Variants in GJB3 observed in about 807,000 individuals in gnomAD.
GJB3 encodes the protein gap junction beta-3 protein.
In GJB3, 6 loss-of-function variants were observed where a neutral mutation model predicts 8.1. The ratio of observed to expected loss-of-function variants is 0.75; its 90% CI spans 0.41 to 1.47. The LOEUF (loss-of-function observed/expected upper bound fraction) is 1.47. Among genes scored for constraint, GJB3 ranks in the 40% most tolerant of loss-of-function variants. The pLI is 0.02. For synonymous variants in GJB3, 137 were observed against 156.4 expected (o/e 0.88, Z 0.93); for missense variants, 348 against 365.6 (o/e 0.95, Z 0.39).
intron 1 of GJB3, among the ~76,000 whole-genome samples, chr1:34,783,054 G>C (rs919786020): frequency 6.6e-6 from 1 of 152,162 alleles, no homozygotes; most frequent in African/African-American, 2.4e-5. Flanking sequence ...TTTAATTTCA[G>C]ATAGTGACTA....
chr1:34,782,330 T>G (rs1640024070), intron 1 of GJB3: 1 of 152,104 alleles, frequency 6.6e-6, no homozygotes, highest in Non-Finnish European at 1.5e-5. Flanking sequence ...TGCACCCTGG[T>G]GGGCAGCCAT....
At chr1:34,782,166 G>A (rs754834529) in intron 1 of GJB3, 14 of 152,654 alleles carry the variant, frequency 9.2e-5, no homozygotes, top group Non-Finnish European at 1.9e-4. Flanking sequence ...AGCTGGCTTT[G>A]GAGGGCAGCT....
At chr1:34,783,540 T>C (rs1640048793) in intron 1 of GJB3, among the ~76,000 whole-genome samples, 1 of 152,160 alleles carries the variant, frequency 6.6e-6, no homozygotes, top group African/African-American at 2.4e-5. Flanking sequence ...CATGAACTGA[T>C]TTAATGGACT....
Position 34,785,123 on chromosome 1 carries a change from G to C in GJB3, c.361G>C (p.Gly121Arg). ...GTGCGCCAAGCTGTACGACAACGCA[G>C]GCAAGAAGCACGGAGGCCTGTGGTG... is the stretch of plus-strand genomic sequence containing the variant. ...DQCAKLYDNA[G>R]KKHGGLWWTY... Residue 121 changes from glycine (G) to arginine (R), a missense_variant, in exon 2 of 2, where the codon GGC (glycine) becomes CGC (arginine). By Grantham distance (125) the Gly-to-Arg change is moderately radical. Coordinates refer to ENST00000373366, the MANE Select transcript of GJB3 (RefSeq NM_024009.3). This position sits in a 1 kb window ranked among gnomAD's most constrained non-coding sequence, Gnocchi z 4.7. 1 of 1,614,140 alleles carries C rather than the reference G, an allele frequency of 6.2e-7. No homozygotes were observed. The highest frequency in any genetic ancestry group is 8.5e-7 in the Non-Finnish European group (1 of 1,180,038).
chr1:34,784,222 G>A (rs1307933089), intron 1 of GJB3, among the ~76,000 whole-genome samples: 2 of 152,186 alleles, frequency 1.3e-5, no homozygotes, highest in South Asian at 4.1e-4. Context: ...CACAGGCTCT[G>A]GTACCCAACA....
rs1379045949 is a variant in GJB3, at chr1:34,781,373, A to C, written c.-431A>C. The C allele has an allele frequency of 6.6e-6, 1 of 152,132 alleles. No homozygotes were observed. The highest frequency in any genetic ancestry group is 1.5e-5 in the Non-Finnish European group (1 of 68,026). 9.4% of individuals were successfully genotyped at this position (152,132 alleles called of 1,614,324 possible). A position where few individuals can be genotyped will look rare whatever the true frequency, so the allele number is the denominator to read the frequency against. On this transcript the variant is annotated 5_prime_UTR_variant, in exon 1 of 2. Transcript: ENST00000373366. The surrounding 1 kb of genome is among the most constrained non-coding windows in gnomAD (Gnocchi z 6.2). Reference sequence around the variant, plus strand: ...GGTCAAGGTCCCGCGCCAAGCGGGGACCGGGCTGGGCCGGAAGCGGGCACG... The same window carrying C: ...GGTCAAGGTCCCGCGCCAAGCGGGGCCCGGGCTGGGCCGGAAGCGGGCACG...
Position 34,784,889 on chromosome 1 carries a change from G to T in GJB3, c.127G>T (p.Val43Leu). The T allele has an allele frequency of 2.5e-6, 4 of 1,614,166 alleles. No individual in the cohort carries two copies. Among genetic ancestry groups the T allele is most frequent in the African/African-American group, 1.3e-5 (1 of 75,038 alleles). The change falls in exon 2 of 2, where the codon GTG (valine) becomes TTG (leucine). Residue 43 changes from valine to leucine, a missense_variant. Val to Leu is a conservative substitution (Grantham distance 32). Coordinates refer to ENST00000373366, the MANE Select transcript of GJB3 (RefSeq NM_024009.3). ...VLVYVVAAER[V>L]WGDEQKDFDC... ...GGTATACGTGGTGGCTGCAGAGCGC[G>T]TGTGGGGGGATGAGCAGAAGGACTT...
Position 34,785,869 on chromosome 1 carries a change from G to A in GJB3, c.*294G>A, listed in dbSNP as rs1287473861. On this transcript the variant is annotated 3_prime_UTR_variant, in exon 2 of 2. Coordinates refer to ENST00000373366, the MANE Select transcript of GJB3 (RefSeq NM_024009.3). The surrounding 1 kb of genome is among the most constrained non-coding windows in gnomAD (Gnocchi z 4.7). Reference sequence around the variant, plus strand: ...GGCACTGCTAGCAGGGCTTCAACCAGGAAGGGATCAACCCAGGAAGGGATG... The same window carrying A: ...GGCACTGCTAGCAGGGCTTCAACCAAGAAGGGATCAACCCAGGAAGGGATG... 1.3e-5 allele frequency: 6 copies of A among 477,700 alleles called. No homozygotes were observed. The highest frequency in any genetic ancestry group is 2.4e-5 in the Non-Finnish European group (6 of 253,430). The allele number at this position is 477,700 out of a possible 1,614,324, so 29.6% of individuals were successfully genotyped here. A position where few individuals can be genotyped will look rare whatever the true frequency, so the allele number is the denominator to read the frequency against.
chr1:34,784,640 T>C (rs753505534), intron 1 of GJB3, 98 bp from the exon 2 acceptor site: 7 of 816,704 alleles, frequency 8.6e-6, no homozygotes, highest in Non-Finnish European at 1.4e-5. Context: ...TTGTGAGTAT[T>C]GAACAAGTCA....
Position 34,785,052 on chromosome 1 carries a change from A to C in GJB3, c.290A>C (p.Tyr97Ser), listed in dbSNP as rs1475201465. The change falls in exon 2 of 2, where the codon TAC becomes TCC. Residue 97 changes from tyrosine (Y) to serine (S), a missense_variant. Physicochemically the swap from Tyr to Ser is moderately radical, Grantham distance 144. Coordinates refer to ENST00000373366, the MANE Select transcript of GJB3 (RefSeq NM_024009.3). The surrounding 1 kb of genome is among the most constrained non-coding windows in gnomAD (Gnocchi z 4.7). ...PSLLVILHVA[Y>S]REERERRHRQ... Reference sequence around the variant, plus strand: ...CTGCTGGTCATCCTGCACGTGGCCTACCGTGAGGAGCGGGAGCGCCGGCAC... The same window carrying C: ...CTGCTGGTCATCCTGCACGTGGCCTCCCGTGAGGAGCGGGAGCGCCGGCAC... The C allele has an allele frequency of 6.2e-7, 1 of 1,614,060 alleles. No homozygotes were observed. Among genetic ancestry groups the C allele is most frequent in the Non-Finnish European group, 8.5e-7 (1 of 1,180,006 alleles).
In GJB3 at chr1:34,785,541, T is replaced by G. The variant is rs1640099548; in HGVS notation, c.779T>G (p.Leu260Arg). The change falls in exon 2 of 2, where the codon CTG becomes CGG. Residue 260 changes from leucine to arginine, a missense_variant. Transcript: ENST00000373366. The surrounding 1 kb of genome is among the most constrained non-coding windows in gnomAD (Gnocchi z 4.7). Reference sequence around the variant, plus strand: ...GATCCAGACCCAGGCAATAACAAGCTGCAGGCTTCAGCACCCAACCTGACC... The same window carrying G: ...GATCCAGACCCAGGCAATAACAAGCGGCAGGCTTCAGCACCCAACCTGACC... Reference protein sequence around the residue: ...EVDPDPGNNKLQASAPNLTPI With the variant: ...EVDPDPGNNKRQASAPNLTPI The G allele has an allele frequency of 6.2e-7, 1 of 1,613,958 alleles. No individual in the cohort carries two copies. Among genetic ancestry groups the G allele is most frequent in the Non-Finnish European group, 8.5e-7 (1 of 1,180,028 alleles).
At position 34,785,069 on chromosome 1, in the gene GJB3, C is replaced by A; in HGVS notation, c.307C>A (p.Arg103Ser). Residue 103 changes from arginine (R) to serine (S), a missense_variant, in exon 2 of 2, where the codon CGC becomes AGC. Transcript: ENST00000373366. This position sits in a 1 kb window ranked among gnomAD's most constrained non-coding sequence, Gnocchi z 4.7. ...CGTGGCCTACCGTGAGGAGCGGGAG[C>A]GCCGGCACCGCCAGAAACACGGGGA... ...LHVAYREERE[R>S]RHRQKHGDQC... 6.2e-7 allele frequency: 1 copy of A among 1,614,070 alleles called. No homozygotes were observed. The highest frequency in any genetic ancestry group is 8.5e-7 in the Non-Finnish European group (1 of 1,180,030).
In GJB3 at chr1:34,785,898, A is replaced by G; in HGVS notation, c.*323A>G. ...GGGATCAACCCAGGAAGGGATGATC[A>G]GGAGAGGCTTCCCTGAGGACATAAT... On this transcript the variant is annotated 3_prime_UTR_variant, in exon 2 of 2. Coordinates refer to ENST00000373366, the MANE Select transcript of GJB3 (RefSeq NM_024009.3). This position sits in a 1 kb window ranked among gnomAD's most constrained non-coding sequence, Gnocchi z 4.7. The G allele has an allele frequency of 2.4e-6, 1 of 413,684 alleles. No homozygotes were observed. The highest frequency in any genetic ancestry group is 4.6e-6 in the Non-Finnish European group (1 of 215,820). 25.6% of individuals were successfully genotyped at this position (413,684 alleles called of 1,614,324 possible). A position where few individuals can be genotyped will look rare whatever the true frequency, so the allele number is the denominator to read the frequency against.
Position 34,784,752 on chromosome 1 carries a change from C to T in GJB3, c.-11C>T, listed in dbSNP as rs771415387. On this transcript the variant is annotated 5_prime_UTR_variant, in exon 2 of 2. Transcript: ENST00000373366. Reference sequence around the variant, plus strand: ...AATTCTCTCAGGTAGGCACGGCCCCCACCAGGCGCCATGGACTGGAAGACA... The same window carrying T: ...AATTCTCTCAGGTAGGCACGGCCCCTACCAGGCGCCATGGACTGGAAGACA... 2 of 1,608,952 alleles carry T rather than the reference C, an allele frequency of 1.2e-6. No individual in the cohort carries two copies. Among genetic ancestry groups the T allele is most frequent in the South Asian group, 1.1e-5 (1 of 90,920 alleles).
rs1189885075 is a variant in GJB3, at chr1:34,785,050, C to A, written c.288C>A (p.Ala96=). 6.2e-7 allele frequency: 1 copy of A among 1,614,174 alleles called. No homozygotes were observed. The stretch of plus-strand genomic sequence containing the variant: ...CGCTGCTGGTCATCCTGCACGTGGC[C>A]TACCGTGAGGAGCGGGAGCGCCGGC... ...CPSLLVILHV[A]YREERERRHR... The change falls in exon 2 of 2, where the codon GCC becomes GCA. Residue 96 remains alanine (A), a synonymous_variant. Transcript: ENST00000373366. This position sits in a 1 kb window ranked among gnomAD's most constrained non-coding sequence, Gnocchi z 4.7.
intron 1 of GJB3, among the ~76,000 whole-genome samples, 182 bp from the exon 2 acceptor site, chr1:34,784,556 T>A (rs1202802528): frequency 6.6e-6 from 1 of 152,200 alleles, no homozygotes; most frequent in Non-Finnish European, 1.5e-5. Flanking sequence ...TTTGGTTAAG[T>A]TATATAACCT....
chr1:34,785,063 C>T lies in GJB3; in HGVS notation c.301C>T (p.Arg101Trp), dbSNP rs761766847. The T allele has an allele frequency of 6.8e-6, 11 of 1,614,088 alleles. No individual in the cohort carries two copies. Among genetic ancestry groups the T allele is most frequent in the Admixed American group, 6.7e-5 (4 of 60,030 alleles). ...CCTGCACGTGGCCTACCGTGAGGAG[C>T]GGGAGCGCCGGCACCGCCAGAAACA... ...VILHVAYREE[R>W]ERRHRQKHGD... Residue 101 changes from arginine (R) to tryptophan (W), a missense_variant, in exon 2 of 2, where the codon CGG becomes TGG. By Grantham distance (101) the Arg-to-Trp change is moderately radical. Coordinates refer to ENST00000373366, the MANE Select transcript of GJB3 (RefSeq NM_024009.3). The surrounding 1 kb of genome is among the most constrained non-coding windows in gnomAD (Gnocchi z 4.7).
chr1:34,783,043 C>A (rs1056976450), intron 1 of GJB3, among the ~76,000 whole-genome samples: 4 of 152,122 alleles, frequency 2.6e-5, no homozygotes, highest in Non-Finnish European at 5.9e-5. Flanking sequence ...AGGACAAATT[C>A]TTTAATTTCA....
At position 34,786,325 on chromosome 1, in the gene GJB3, A is replaced by G. The variant is rs1011840744; in HGVS notation, c.*750A>G. The G allele has an allele frequency of 6.0e-6, 1 of 167,254 alleles. No homozygotes were observed. The highest frequency in any genetic ancestry group is 1.5e-5 in the Non-Finnish European group (1 of 68,222). 10.4% of individuals were successfully genotyped at this position (167,254 alleles called of 1,614,324 possible). A position where few individuals can be genotyped will look rare whatever the true frequency, so the allele number is the denominator to read the frequency against. On this transcript the variant is annotated 3_prime_UTR_variant, in exon 2 of 2. Transcript: ENST00000373366. This position sits in a 1 kb window ranked among gnomAD's most constrained non-coding sequence, Gnocchi z 4.4. The stretch of plus-strand genomic sequence containing the variant: ...GTGGATGCGCTGATAGAACATCCTC[A>G]AGACAGTTTCCTTGAAATCAATAAA...
Sources: gnomAD v4.1 joint callset for allele counts (sites outside exome capture counted in the v4.1 genomes callset) on GRCh38, gnomAD v4.1.1 for gene constraint, Gnocchi (gnomAD v3.1) non-coding constraint, MANE v1.5 for transcripts, NCBI Gene and HGNC (gene_info 2026-07-23, HGNC 2026-07-21) for gene names.